Variants in BBOX1 observed in about 807,000 individuals in gnomAD.
BBOX1 encodes the protein gamma-butyrobetaine hydroxylase 1, also known as gamma-butyrobetaine dioxygenase.
BBOX1 carries 35 observed loss-of-function variants against 41.6 expected under a neutral mutation model. The ratio of observed to expected loss-of-function variants is 0.84; its 90% CI spans 0.64 to 1.11. BBOX1 has a LOEUF of 1.11. Ranked by LOEUF, BBOX1 falls within the 50% of genes most tolerant of loss-of-function variation. The pLI is 0.00. For missense variants in BBOX1, 458 were observed against 460.6 expected, an observed-to-expected ratio of 0.99 and a Z score of 0.05; for synonymous variants, 163 against 154.7, an observed-to-expected ratio of 1.05 and a Z score of -0.40.
At chr11:27,068,981 G>A (rs977196761) in intron 4 of BBOX1, among the ~76,000 whole-genome samples, 5 of 151,884 alleles carry the variant, frequency 3.3e-5, no homozygotes, top group African/African-American at 9.7e-5. Flanking sequence ...TAGCATTATA[G>A]TAAAATTTGA....
rs2134118757 is a variant in BBOX1 at position 27,125,742 on chromosome 11, C to A, written c.925C>A (p.Pro309Thr). 6.2e-7 allele frequency: 1 copy of A among 1,613,714 alleles called. No individual in the cohort carries two copies. The highest frequency in any genetic ancestry group is 2.2e-5 in the East Asian group (1 of 44,850). Residue 309 changes from proline (P) to threonine (T), a missense_variant, in exon 8 of 9, where the codon CCT becomes ACT. Coordinates refer to ENST00000263182, the MANE Select transcript of BBOX1 (RefSeq NM_003986.3). ...IFDVPVERVQPFYAALKEFVD... is the reference protein window; with the variant it reads ...IFDVPVERVQTFYAALKEFVD... Reference sequence around the variant, plus strand: ...TGATGTGCCTGTTGAAAGAGTTCAGCCTTTTTATGCTGCTCTGAAGGAGTT... The same window carrying A: ...TGATGTGCCTGTTGAAAGAGTTCAGACTTTTTATGCTGCTCTGAAGGAGTT...
chr11:27,048,509 T>C (rs568411901), intron 2 of BBOX1, among the ~76,000 whole-genome samples: 1 of 149,020 alleles, frequency 6.7e-6, no homozygotes, highest in South Asian at 2.2e-4. Flanking sequence ...ATGATATAGA[T>C]AGATGATAGG....
intron 7 of BBOX1, 132 bp from the exon 8 acceptor site, chr11:27,125,521 TA>T: frequency 2.8e-6 from 2 of 716,274 alleles, no homozygotes; most frequent in Non-Finnish European, 4.2e-6. Context: ...CAGGTAGCCT[TA>T]ATATCTTCTG....
rs1332524879 is a variant in BBOX1 at position 27,099,821 on chromosome 11, C to A, written c.533+6455C>A. Among the ~76,000 whole-genome samples the A allele has an allele frequency of 2.6e-5, 4 of 152,182 alleles. No homozygotes were observed. The East Asian group carries it at 7.8e-4, about 30-fold the overall frequency. Reference sequence around the variant, plus strand: ...TAATACCTGCTATGTCCTTTGAGGTCCTTGGGTGAAAGTTTGCTTGAAAAA... The same window carrying A: ...TAATACCTGCTATGTCCTTTGAGGTACTTGGGTGAAAGTTTGCTTGAAAAA... On this transcript the variant is annotated intron_variant, in intron 5 of 8. Coordinates refer to ENST00000263182, the MANE Select transcript of BBOX1 (RefSeq NM_003986.3).
intron 7 of BBOX1, among the ~76,000 whole-genome samples, chr11:27,122,065 T>C (rs1302528371): frequency 2.0e-4 from 30 of 152,220 alleles, no homozygotes. Flanking sequence ...CGTTCTCAGT[T>C]AACAGAGGGC....
At chr11:27,074,173 C>G (rs1857560519) in intron 4 of BBOX1, among the ~76,000 whole-genome samples, 1 of 152,004 alleles carries the variant, frequency 6.6e-6, no homozygotes, top group East Asian at 1.9e-4. Context: ...TTTCCTGAGG[C>G]CTCCCAGTCA....
At chr11:27,124,977 G>A (rs1181185889) in intron 7 of BBOX1, among the ~76,000 whole-genome samples, 1 of 152,152 alleles carries the variant, frequency 6.6e-6, no homozygotes, top group Non-Finnish European at 1.5e-5. Context: ...AATATAGAGA[G>A]TGATATGTGC....
chr11:27,122,109 T>G (rs938119819), intron 7 of BBOX1, among the ~76,000 whole-genome samples: 1 of 152,206 alleles, frequency 6.6e-6, no homozygotes, highest in Non-Finnish European at 1.5e-5. Flanking sequence ...TAATTTAATT[T>G]TCTTTGTGGT....
intron 6 of BBOX1, among the ~76,000 whole-genome samples, chr11:27,116,458 A>G (rs1177246085): frequency 1.3e-5 from 1 of 78,184 alleles, no homozygotes; most frequent in African/African-American, 5.1e-5. Context: ...TGTATCCCAG[A>G]ACTTAAAGTA....
chr11:27,072,309 C>A (rs1170052747), intron 4 of BBOX1, among the ~76,000 whole-genome samples: 1 of 152,148 alleles, frequency 6.6e-6, no homozygotes, highest in African/African-American at 2.4e-5. Flanking sequence ...CATGAGTGAA[C>A]TCCCATTCAC....
At chr11:27,051,700 CTT>C (rs1564952408) in intron 2 of BBOX1, among the ~76,000 whole-genome samples, 1 of 151,748 alleles carries the variant, frequency 6.6e-6, no homozygotes, top group Non-Finnish European at 1.5e-5. Flanking sequence ...AGTCTTCTCT[CTT>C]TGTTTCTTAG....
At chr11:27,118,964 C>G (rs1011906698) in intron 6 of BBOX1, among the ~76,000 whole-genome samples, 6 of 151,698 alleles carry the variant, frequency 4.0e-5, no homozygotes, top group African/African-American at 9.7e-5. Flanking sequence ...ACACCACTGG[C>G]CTAATACTTT....
chr11:27,095,581 C>T (rs1858410039), intron 5 of BBOX1, among the ~76,000 whole-genome samples: 1 of 151,938 alleles, frequency 6.6e-6, no homozygotes, highest in South Asian at 2.1e-4. Flanking sequence ...TATCACATTT[C>T]TTACCTGAAT....
At position 27,091,446 on chromosome 11, in the gene BBOX1, C is replaced by A. The variant is rs1858239768; in HGVS notation, c.335-1722C>A. 2.0e-5 allele frequency among the ~76,000 whole-genome samples: 3 copies of A among 151,790 alleles called. No individual in the cohort carries two copies. The South Asian group carries it at 6.2e-4, about 31-fold the overall frequency. ...GAAATACCAATAAACTGTATCAAAC[C>A]ATCCTTCCTCCCTCCCCCAAAATGT... On this transcript the variant is annotated intron_variant, in intron 4 of 8. Transcript: ENST00000263182.
At chr11:27,094,284 G>A (rs1858356469) in intron 5 of BBOX1, among the ~76,000 whole-genome samples, 1 of 151,950 alleles carries the variant, frequency 6.6e-6, no homozygotes, top group African/African-American at 2.4e-5. Context: ...TTTCTTTAGA[G>A]TGAGTCCCTT....
At chr11:27,047,841 C>T (rs1406982110) in intron 2 of BBOX1, among the ~76,000 whole-genome samples, 2 of 151,978 alleles carry the variant, frequency 1.3e-5, no homozygotes, top group Non-Finnish European at 2.9e-5. Flanking sequence ...ATAAAGAAAG[C>T]ATTCAATAAA....
intron 7 of BBOX1, among the ~76,000 whole-genome samples, chr11:27,123,820 T>C (rs899256105): frequency 1.3e-5 from 2 of 152,200 alleles, no homozygotes; most frequent in Non-Finnish European, 2.9e-5. Flanking sequence ...TGAAAGCATG[T>C]GGAAGCAGGT....
In BBOX1 at chr11:27,114,691, C is replaced by A. The variant is rs377727006; in HGVS notation, c.534-761C>A. Among the ~76,000 whole-genome samples the A allele has an allele frequency of 4.7e-5, 7 of 149,896 alleles. No individual in the cohort carries two copies. The South Asian group carries it at 8.4e-4, about 18-fold the overall frequency. Reference sequence around the variant, plus strand: ...CAAATTGTTCTGAGGCAACTGAATACCCCCATGCAAAGAATTAAATTGGAC... The same window carrying A: ...CAAATTGTTCTGAGGCAACTGAATAACCCCATGCAAAGAATTAAATTGGAC... On this transcript the variant is annotated intron_variant, in intron 5 of 8. Coordinates refer to ENST00000263182, the MANE Select transcript of BBOX1 (RefSeq NM_003986.3).
chr11:27,075,830 A>G (rs1857614175), intron 4 of BBOX1, among the ~76,000 whole-genome samples: 1 of 152,160 alleles, frequency 6.6e-6, no homozygotes, highest in Non-Finnish European at 1.5e-5. Flanking sequence ...CTGAACTCCT[A>G]TGGGAGAAGC....
Sources: allele counts gnomAD v4.1 joint callset (sites outside exome capture counted in the v4.1 genomes callset), GRCh38; gene constraint gnomAD v4.1.1; transcripts MANE v1.5; gene names NCBI Gene and HGNC (gene_info 2026-07-23, HGNC 2026-07-21).